SMAD5: variants seen among roughly 807,000 people sequenced by gnomAD.
SMAD5 encodes MAD, mothers against decapentaplegic homolog 5.
In SMAD5, 9 loss-of-function variants were observed where a neutral mutation model predicts 43.1. The ratio of observed to expected loss-of-function variants is 0.21; its 90% CI spans 0.13 to 0.36. The LOEUF is 0.36. Among genes scored for constraint, SMAD5 ranks in the 10% least tolerant of loss-of-function variants. The pLI, the probability that SMAD5 is intolerant of heterozygous loss-of-function variation, is 1.00. For missense variants in SMAD5, 348 were observed against 574.0 expected, an observed-to-expected ratio of 0.61 and a Z score of 4.02; for synonymous variants, 190 against 192.4, an observed-to-expected ratio of 0.99 and a Z score of 0.10.
chr5:136,176,498 T>G (rs1037113576), intron 7 of SMAD5, among the ~76,000 whole-genome samples: 1 of 148,874 alleles, frequency 6.7e-6, no homozygotes, highest in Admixed American at 6.7e-5. Flanking sequence ...CTCTGACATG[T>G]GACATGATCT....
chr5:136,179,462 T>C lies in SMAD5; in HGVS notation c.*1982T>C, dbSNP rs544858961. On this transcript the variant is annotated 3_prime_UTR_variant, in exon 8 of 8. Transcript: ENST00000545279. The stretch of plus-strand genomic sequence containing the variant: ...CTTTCCACTTTGTCCTTTCTGCTCT[T>C]GTGAAGAAAAAAAAAAGCATTTTCG... 6.6e-6 allele frequency: 1 copy of C among 150,824 alleles called. No individual in the cohort carries two copies. The highest frequency in any genetic ancestry group is 2.1e-4 in the East Asian group (1 of 4,842). The allele number at this position is 150,824 out of a possible 1,614,324, so 9.3% of individuals were successfully genotyped here.
At chr5:136,176,457 CAAAAAAAAAAA>C (rs60311104) in intron 7 of SMAD5, among the ~76,000 whole-genome samples, 1 of 68,534 alleles carries the variant, frequency 1.5e-5, no homozygotes, top group East Asian at 4.8e-4. Context: ...CTCTGTCTCA[CAAAAAAAAAAA>C]AAAAAAAAAA....
intron 2 of SMAD5, among the ~76,000 whole-genome samples, chr5:136,151,343 A>G (rs1413752059): frequency 1.3e-5 from 2 of 152,086 alleles, no homozygotes; most frequent in African/African-American, 4.8e-5. Context: ...GCTATTTTCA[A>G]TCAAGTGGTC....
intron 1 of SMAD5, among the ~76,000 whole-genome samples, chr5:136,145,017 G>A (rs1359292444): frequency 2.0e-5 from 3 of 151,724 alleles, no homozygotes; most frequent in Non-Finnish European, 4.4e-5. Flanking sequence ...ACAAAGGAGG[G>A]GTTAGAATGA....
intron 4 of SMAD5, among the ~76,000 whole-genome samples, chr5:136,162,281 G>A (rs1325520220): frequency 6.6e-6 from 1 of 152,140 alleles, no homozygotes; most frequent in Non-Finnish European, 1.5e-5. Context: ...AACAAACATG[G>A]GGAGAATGTT....
chr5:136,148,362 A>G (rs1239879338), intron 2 of SMAD5, among the ~76,000 whole-genome samples: 1 of 151,742 alleles, frequency 6.6e-6, no homozygotes, highest in Non-Finnish European at 1.5e-5. Flanking sequence ...CGAACAAAGA[A>G]TGTCTTGCTT....
At chr5:136,169,404 C>T (rs963084734) in intron 5 of SMAD5, among the ~76,000 whole-genome samples, 35 of 152,194 alleles carry the variant, frequency 2.3e-4, no homozygotes, top group Non-Finnish European at 3.4e-4. Flanking sequence ...CCCACAGACA[C>T]ACCCAAGAAA....
intron 1 of SMAD5, among the ~76,000 whole-genome samples, chr5:136,145,832 T>C (rs757558446): frequency 3.3e-5 from 5 of 151,960 alleles, no homozygotes; most frequent in Non-Finnish European, 5.9e-5. Context: ...CCAAGTTTAT[T>C]AGGCTTCAAA....
chr5:136,174,105 A>G (rs951290373), intron 6 of SMAD5, among the ~76,000 whole-genome samples: 1 of 151,878 alleles, frequency 6.6e-6, no homozygotes, highest in Middle Eastern at 3.4e-3. Context: ...TCTCATAGAG[A>G]TGATAAATGA....
intron 7 of SMAD5, among the ~76,000 whole-genome samples, chr5:136,174,944 G>C (rs1754361691): frequency 6.6e-6 from 1 of 152,128 alleles, no homozygotes. Flanking sequence ...TTTTCATGCT[G>C]CTAATAGACA....
rs532018309 is a variant in SMAD5 at position 136,163,590 on chromosome 5, T to C, written c.775+199T>C. ...GGTTTAGAATATTTCCCTAACTCTTTAAAAAGGTTTCTCTGCGTATTTGCA... is the reference window on the plus strand; with the variant it reads ...GGTTTAGAATATTTCCCTAACTCTTCAAAAAGGTTTCTCTGCGTATTTGCA... On this transcript the variant is annotated intron_variant, in intron 5 of 7. Transcript: ENST00000545279. 9.8e-5 allele frequency among the ~76,000 whole-genome samples: 15 copies of C among 152,320 alleles called. No individual in the cohort carries two copies. In the South Asian group the frequency reaches 2.9e-3, roughly 29 times the overall value.
intron 6 of SMAD5, among the ~76,000 whole-genome samples, chr5:136,173,677 C>T (rs1315049692): frequency 6.6e-6 from 1 of 151,704 alleles, no homozygotes; most frequent in Non-Finnish European, 1.5e-5. Flanking sequence ...GCATATAGTT[C>T]TAGGACCTTT....
rs143320863 is a variant in SMAD5 at position 136,172,243 on chromosome 5, G to A, written c.776-191G>A. Among the ~76,000 whole-genome samples, 645 of 152,282 alleles carry A rather than the reference G, an allele frequency of 4.2e-3. 10 individuals are homozygous for A. The highest frequency in any genetic ancestry group is 0.014 in the African/African-American group (599 of 41,544). On this transcript the variant is annotated intron_variant, in intron 5 of 7. Coordinates refer to ENST00000545279, the MANE Select transcript of SMAD5 (RefSeq NM_005903.7). ...TGGTATTTCTATAACTTTTTAAATT[G>A]TCATATTCAAGCTGATTTCTAGTGC...
intron 1 of SMAD5, among the ~76,000 whole-genome samples, chr5:136,144,480 G>A (rs905713078): frequency 3.1e-4 from 47 of 151,812 alleles, no homozygotes; most frequent in African/African-American, 1.1e-3. Context: ...TTTTACAATA[G>A]GTTTCTATGG....
In SMAD5 at chr5:136,157,512, A is replaced by T. The variant is rs139710304; in HGVS notation, c.404-3344A>T. ...ATTATACATTTCACCATAATGTCAA[A>T]TTAGTGGGAGCCCTGAGCTTGTTTA... On this transcript the variant is annotated intron_variant, in intron 3 of 7. Coordinates refer to ENST00000545279, the MANE Select transcript of SMAD5 (RefSeq NM_005903.7). 3.9e-3 allele frequency among the ~76,000 whole-genome samples: 598 copies of T among 152,278 alleles called. 4 individuals carry two copies. The highest frequency in any genetic ancestry group is 0.014 in the African/African-American group (563 of 41,536).
At chr5:136,147,178 T>C (rs1399102932) in intron 1 of SMAD5, among the ~76,000 whole-genome samples, 1 of 151,700 alleles carries the variant, frequency 6.6e-6, no homozygotes, top group African/African-American at 2.4e-5. Flanking sequence ...TAATGATAAT[T>C]AGAAAAGCTT....
intron 3 of SMAD5, among the ~76,000 whole-genome samples, chr5:136,156,904 G>C (rs1160193669): frequency 6.6e-6 from 1 of 152,110 alleles, no homozygotes; most frequent in Non-Finnish European, 1.5e-5. Flanking sequence ...TTCGCCCTGA[G>C]CCCAAACTCT....
chr5:136,150,090 T>C (rs892093041), intron 2 of SMAD5, among the ~76,000 whole-genome samples: 1 of 151,954 alleles, frequency 6.6e-6, no homozygotes, highest in African/African-American at 2.4e-5. Flanking sequence ...AGGAAACTCT[T>C]TCCTAACAGT....
rs1754639767 is a variant in SMAD5, at chr5:136,181,911, T to C, written c.*4431T>C. On this transcript the variant is annotated 3_prime_UTR_variant, in exon 8 of 8. Coordinates refer to ENST00000545279, the MANE Select transcript of SMAD5 (RefSeq NM_005903.7). The stretch of plus-strand genomic sequence containing the variant: ...TGAAGAGCACATGCTATATAATAAT[T>C]GCTAGTAGCAACTGCAGTAAAACAG... The C allele has an allele frequency of 6.6e-6, 1 of 152,206 alleles. No individual in the cohort carries two copies. The highest frequency in any genetic ancestry group is 1.5e-5 in the Non-Finnish European group (1 of 68,014). The allele number at this position is 152,206 out of a possible 1,614,324, so 9.4% of individuals were successfully genotyped here.
Sources: allele counts gnomAD v4.1 joint callset (sites outside exome capture counted in the v4.1 genomes callset), GRCh38; gene constraint gnomAD v4.1.1; transcripts MANE v1.5; gene names NCBI Gene and HGNC (gene_info 2026-07-23, HGNC 2026-07-21).